AKT3: variants seen among roughly 807,000 people sequenced by gnomAD.
AKT3 encodes AKT serine/threonine kinase 3, also known as RAC-gamma serine/threonine-protein kinase.
Under a neutral mutation model 65.3 loss-of-function variants are expected in AKT3, and 15 were observed. That is an observed-to-expected ratio of 0.23 (90% CI 0.15 to 0.35). The LOEUF (loss-of-function observed/expected upper bound fraction) is 0.35, where lower values mean the gene tolerates loss of function less well. Among genes scored for constraint, AKT3 ranks in the 10% least tolerant of loss-of-function variants. AKT3 has a pLI of 1.00. For missense variants in AKT3, 243 were observed against 576.5 expected, an observed-to-expected ratio of 0.42 and a Z score of 5.92; for synonymous variants, 206 against 183.8, an observed-to-expected ratio of 1.12 and a Z score of -0.98.
At chr1:243,615,643 C>T (rs923169802) in intron 6 of AKT3, among the ~76,000 whole-genome samples, 2 of 152,120 alleles carry the variant, frequency 1.3e-5, no homozygotes, top group Admixed American at 1.3e-4. Flanking sequence ...ACAGAATACA[C>T]ATGCAATATT....
rs565002661 is a variant in AKT3 at position 243,628,120 on chromosome 1, G to A, written c.561+9491C>T. ...GAGAGACGATTATTGGTTTGCTCCCGGGCATTAACTGCAACTGTCTTTATG... is the reference window on the plus strand; with the variant it reads ...GAGAGACGATTATTGGTTTGCTCCCAGGCATTAACTGCAACTGTCTTTATG... On this transcript the variant is annotated intron_variant, in intron 6 of 13. Coordinates refer to ENST00000673466, the MANE Select transcript of AKT3 (RefSeq NM_005465.7). Among the ~76,000 whole-genome samples the A allele has an allele frequency of 3.5e-4, 53 of 152,148 alleles. No individual in the cohort carries two copies. The Middle Eastern group carries it at 0.01, about 29-fold the overall frequency.
At chr1:243,726,730 A>C (rs915125440) in intron 2 of AKT3, among the ~76,000 whole-genome samples, 4 of 152,244 alleles carry the variant, frequency 2.6e-5, no homozygotes, top group Admixed American at 2.6e-4. Context: ...CAGAATGCTC[A>C]AATTAAGAAT....
chr1:243,585,353 T>C (rs1675715205), intron 8 of AKT3, among the ~76,000 whole-genome samples: 1 of 151,220 alleles, frequency 6.6e-6, no homozygotes. Flanking sequence ...CCTACCAAAC[T>C]ACCAACATCA....
upstream of AKT3, chr1:243,850,936 G>GGCGCATCC (rs1241790032): frequency 2.0e-5 from 3 of 152,094 alleles, no homozygotes; most frequent in Non-Finnish European, 1.5e-5. Context: ...CCGCTTCCTC[G>GGCGCATCC]GCGCATCCGC....
intron 8 of AKT3, among the ~76,000 whole-genome samples, chr1:243,611,529 C>T (rs953498449): frequency 3.9e-5 from 6 of 152,004 alleles, no homozygotes; most frequent in African/African-American, 1.2e-4. Flanking sequence ...CAAAAAAATA[C>T]AGAAATTAGC....
At position 243,587,228 on chromosome 1, in the gene AKT3, AACAG is replaced by A. The variant is rs374845390; in HGVS notation, c.697-14184_697-14181del. 7.9e-5 allele frequency among the ~76,000 whole-genome samples: 12 copies of A among 152,352 alleles called. No homozygotes were observed. In the East Asian group the frequency reaches 1.9e-3, roughly 24 times the overall value. ...TTTATACACTGGTGGCTAGTATGTAAACAGACAGTCTTTGCAAAACAATCTGGCA... is the reference window on the plus strand; with the variant it reads ...TTTATACACTGGTGGCTAGTATGTAAACAGTCTTTGCAAAACAATCTGGCA... On this transcript the variant is annotated intron_variant, in intron 8 of 13. Transcript: ENST00000673466.
chr1:243,774,701 C>T (rs1405699691), intron 2 of AKT3, among the ~76,000 whole-genome samples: 2 of 152,194 alleles, frequency 1.3e-5, no homozygotes, highest in Admixed American at 6.5e-5. Flanking sequence ...CCCAAACTGT[C>T]AACTGCATGT....
chr1:243,509,353 C>T (rs1362268787), intron 13 of AKT3, among the ~76,000 whole-genome samples: 1 of 152,150 alleles, frequency 6.6e-6, no homozygotes, highest in Non-Finnish European at 1.5e-5. Flanking sequence ...ATAAAATGCA[C>T]ACTAATGACA....
intron 5 of AKT3, among the ~76,000 whole-genome samples, chr1:243,640,381 T>C (rs1680283013): frequency 6.6e-6 from 1 of 152,172 alleles, no homozygotes; most frequent in Non-Finnish European, 1.5e-5. Context: ...ACTCTTCCCA[T>C]GAAGGGGTGG....
At chr1:243,842,775 C>T (rs745667824) in intron 2 of AKT3, among the ~76,000 whole-genome samples, 2 of 152,142 alleles carry the variant, frequency 1.3e-5, no homozygotes, top group Non-Finnish European at 2.9e-5. Context: ...TGATTAAATG[C>T]ATATAGGATC....
At chr1:243,849,971 G>A (rs1695694311) in intron 1 of AKT3, 69 bp downstream of exon 1, 1 of 962,946 alleles carries the variant, frequency 1.0e-6, no homozygotes, top group Non-Finnish European at 1.2e-6. Flanking sequence ...GGGCGGACCG[G>A]GGCCCGGGGC....
intron 4 of AKT3, among the ~76,000 whole-genome samples, chr1:243,649,863 G>A (rs981992499): frequency 2.4e-4 from 36 of 152,174 alleles, no homozygotes; most frequent in Admixed American, 7.2e-4. Context: ...GAATAGTGCC[G>A]CAATAAACAT....
At chr1:243,599,802 T>C (rs1676881661) in intron 8 of AKT3, among the ~76,000 whole-genome samples, 1 of 152,130 alleles carries the variant, frequency 6.6e-6, no homozygotes, top group Non-Finnish European at 1.5e-5. Context: ...TATCCTGCTC[T>C]TTAACACTGT....
At chr1:243,843,566 T>C (rs1695377407) in intron 1 of AKT3, 9 of 1,031,064 alleles carry the variant, frequency 8.7e-6, no homozygotes, top group Non-Finnish European at 1.0e-5. Context: ...GAAAATTTGT[T>C]TGGTGATGTG....
chr1:243,488,915 G>C (rs1665689970), intron 13 of AKT3: 7 of 1,577,736 alleles, frequency 4.4e-6, no homozygotes, highest in African/African-American at 1.3e-5. Context: ...TCCTGCTCAT[G>C]GTTCCCTATC....
chr1:243,807,192 C>G (rs867733689), intron 2 of AKT3, among the ~76,000 whole-genome samples: 1 of 152,284 alleles, frequency 6.6e-6, no homozygotes, highest in South Asian at 2.1e-4. Flanking sequence ...GGGTGCAGGA[C>G]AGGGGGTGCA....
chr1:243,749,097 A>G (rs932561979), intron 2 of AKT3, among the ~76,000 whole-genome samples: 3 of 152,060 alleles, frequency 2.0e-5, no homozygotes, highest in Non-Finnish European at 4.4e-5. Context: ...TCTCAGTTGA[A>G]AAGTTCCCTT....
chr1:243,808,796 C>T (rs1692921003), intron 2 of AKT3, among the ~76,000 whole-genome samples: 1 of 152,134 alleles, frequency 6.6e-6, no homozygotes, highest in Admixed American at 6.6e-5. Flanking sequence ...TCGGGTTACC[C>T]ACAAAAGGGA....
chr1:243,801,301 T>C (rs1692367759), intron 2 of AKT3, among the ~76,000 whole-genome samples: 2 of 152,162 alleles, frequency 1.3e-5, no homozygotes, highest in South Asian at 4.1e-4. Context: ...TAACAAAGAA[T>C]GAAATCCTTA....
Sources: gnomAD v4.1 joint callset for allele counts (sites outside exome capture counted in the v4.1 genomes callset) on GRCh38, gnomAD v4.1.1 for gene constraint, MANE v1.5 for transcripts, NCBI Gene and HGNC (gene_info 2026-07-23, HGNC 2026-07-21) for gene names.